OPN5: variants seen among roughly 807,000 people sequenced by gnomAD.
The protein encoded by OPN5 is opsin-5.
Under a neutral mutation model 41.7 loss-of-function variants are expected in OPN5, and 18 were observed. The ratio of observed to expected loss-of-function variants is 0.43; its 90% CI spans 0.30 to 0.64. The LOEUF is 0.64. OPN5 is among the 30% of genes least tolerant of loss of function. The pLI, the probability that OPN5 is intolerant of heterozygous loss-of-function variation, is 0.13. For synonymous variants in OPN5, 178 were observed against 164.3 expected (o/e 1.08, Z -0.64); for missense variants, 318 against 434.5 (o/e 0.73, Z 2.38).
At chr6:47,786,424 G>A (rs1047362769) in intron 1 of OPN5, 91 bp from the exon 2 acceptor site, 28 of 990,690 alleles carry the variant, frequency 2.8e-5, no homozygotes, top group Non-Finnish European at 6.2e-6. Context: ...CTAAATCTAT[G>A]GTGTCCATTT....
intron 4 of OPN5, among the ~76,000 whole-genome samples, 183 bp downstream of exon 4, chr6:47,795,746 A>T (rs12332794): frequency 0.15 from 22,166 of 147,542 alleles, 1,742 homozygotes; most frequent in Middle Eastern, 0.18. Context: ...CTGTCTCTGT[A>T]CCCCCACTTC....
At chr6:47,799,527 T>C (rs1381326885) in intron 4 of OPN5, among the ~76,000 whole-genome samples, 1 of 152,250 alleles carries the variant, frequency 6.6e-6, no homozygotes, top group East Asian at 1.9e-4. Flanking sequence ...TAGTTATAGT[T>C]TTCATGGGTC....
At chr6:47,799,727 G>T (rs960929007) in intron 4 of OPN5, among the ~76,000 whole-genome samples, 6 of 152,086 alleles carry the variant, frequency 3.9e-5, no homozygotes, top group African/African-American at 1.4e-4. Context: ...CTGACCCCGG[G>T]CCTTTGGTGT....
chr6:47,797,723 C>T (rs571785407), intron 4 of OPN5, among the ~76,000 whole-genome samples: 1 of 152,292 alleles, frequency 6.6e-6, no homozygotes, highest in Non-Finnish European at 1.5e-5. Flanking sequence ...CTCTGTTTTC[C>T]ATCCCCTATT....
intron 4 of OPN5, among the ~76,000 whole-genome samples, chr6:47,798,179 TTTTA>T (rs544754780): frequency 3.7e-4 from 57 of 152,264 alleles, no homozygotes; most frequent in Non-Finnish European, 6.3e-4. Context: ...CATGTCTATA[TTTTA>T]TTTGTTTATA....
intron 4 of OPN5, 21 bp downstream of exon 4, chr6:47,795,584 C>T: frequency 1.3e-6 from 2 of 1,557,668 alleles, no homozygotes; most frequent in Non-Finnish European, 8.8e-7. Context: ...TAATATTTTA[C>T]ACATGTGTTT....
At chr6:47,806,945 G>T (rs2113983845) in intron 4 of OPN5, among the ~76,000 whole-genome samples, 1 of 152,242 alleles carries the variant, frequency 6.6e-6, no homozygotes, top group East Asian at 1.9e-4. Context: ...ATCACCTAAG[G>T]TCGGGAGTTC....
chr6:47,823,742 G>GA lies in OPN5; in HGVS notation c.1057-238dup, dbSNP rs550247449. On this transcript the variant is annotated intron_variant, in intron 6 of 6. Transcript: ENST00000371211. ...GAGACTTTGGAGATTCTATAGGTAA[G>GA]AAAGGAGCCTGAACTAGAATTGTGG... Among the ~76,000 whole-genome samples, 50 of 152,258 alleles carry GA rather than the reference G, an allele frequency of 3.3e-4. No homozygotes were observed. The East Asian group carries it at 8.9e-3, about 27-fold the overall frequency.
intron 4 of OPN5, among the ~76,000 whole-genome samples, chr6:47,802,825 C>T (rs1773826753): frequency 6.6e-6 from 1 of 151,716 alleles, no homozygotes; most frequent in African/African-American, 2.4e-5. Flanking sequence ...AACACAGATG[C>T]ATAGAGTGAC....
intron 5 of OPN5, among the ~76,000 whole-genome samples, chr6:47,811,176 C>G (rs143525328): frequency 1.6e-3 from 245 of 152,242 alleles, no homozygotes; most frequent in African/African-American, 5.3e-3. Context: ...TCAAAAGGCA[C>G]TGGGGGTTCG....
chr6:47,787,213 G>A, intron 2 of OPN5: 1 of 968,934 alleles, frequency 1.0e-6, no homozygotes, highest in Non-Finnish European at 1.2e-6. Context: ...AATATCATCT[G>A]GGGAAGTTCT....
intron 6 of OPN5, among the ~76,000 whole-genome samples, chr6:47,819,419 T>C (rs567835739): frequency 2.2e-5 from 3 of 139,236 alleles, no homozygotes; most frequent in African/African-American, 7.8e-5. Context: ...TAAGTAAAAA[T>C]GTGATACTAG....
chr6:47,824,015 G>C (rs1243852646), exon 7 of OPN5: 1 of 1,544,678 alleles, frequency 6.5e-7, no homozygotes. Flanking sequence ...TGTGAAGAGT[G>C]CATCTGAAGT....
At chr6:47,824,750 T>C (rs1188044388), downstream of OPN5, 1 of 152,180 alleles carries the variant, frequency 6.6e-6, no homozygotes, top group Non-Finnish European at 1.5e-5. Context: ...TTTTTCCTAC[T>C]TAAAGCTCCT....
intron 3 of OPN5, chr6:47,793,819 C>T (rs959349329): frequency 2.8e-5 from 27 of 953,518 alleles, no homozygotes; most frequent in Non-Finnish European, 3.4e-5. Context: ...AATGCTTATA[C>T]GTATGCCTAT....
chr6:47,821,313 G>A (rs1005933128), intron 6 of OPN5, among the ~76,000 whole-genome samples: 1 of 152,234 alleles, frequency 6.6e-6, no homozygotes, highest in African/African-American at 2.4e-5. Context: ...GATAGAGACT[G>A]CACAGGGAGG....
chr6:47,824,161 G>C (rs1438960147), exon 7 of OPN5: 1 of 621,492 alleles, frequency 1.6e-6, no homozygotes, highest in African/African-American at 1.8e-5. Context: ...CACCCTAGGA[G>C]TATCCAAGTA....
chr6:47,825,450 C>T (rs1762763284), downstream of OPN5: 1 of 152,152 alleles, frequency 6.6e-6, no homozygotes, highest in Admixed American at 6.6e-5. Context: ...GGTACTTTGG[C>T]AAGTGAAATG....
intron 1 of OPN5, among the ~76,000 whole-genome samples, chr6:47,783,933 G>A (rs972061126): frequency 3.3e-5 from 5 of 152,166 alleles, no homozygotes; most frequent in Non-Finnish European, 7.4e-5. Context: ...AAAACAGAGA[G>A]GCCTATCAGT....
Sources: gnomAD v4.1 joint callset for allele counts (sites outside exome capture counted in the v4.1 genomes callset) on GRCh38, gnomAD v4.1.1 for gene constraint, MANE v1.5 for transcripts, NCBI Gene and HGNC (gene_info 2026-07-23, HGNC 2026-07-21) for gene names.